CELF2: variants seen among roughly 807,000 people sequenced by gnomAD.
CELF2 encodes the protein CUG triplet repeat RNA-binding protein 2.
A neutral mutation model predicts 62.6 loss-of-function variants in CELF2; 8 were observed. That is an observed-to-expected ratio of 0.13 (90% CI 0.07 to 0.23). The LOEUF (loss-of-function observed/expected upper bound fraction) is 0.23, where lower values mean the gene tolerates loss of function less well. CELF2 is among the 10% of genes least tolerant of loss of function. CELF2 has a pLI of 1.00. For missense variants in CELF2, 333 were observed against 671.0 expected, an observed-to-expected ratio of 0.50 and a Z score of 5.56; for synonymous variants, 258 against 250.0, an observed-to-expected ratio of 1.03 and a Z score of -0.30.
intron 1 of CELF2, among the ~76,000 whole-genome samples, chr10:11,040,277 A>G (rs1252019279): frequency 6.6e-6 from 1 of 152,218 alleles, no homozygotes; most frequent in Admixed American, 6.5e-5. Flanking sequence ...AACAAGATAT[A>G]GACAGTGTTT....
the CELF2 span, among the ~76,000 whole-genome samples, chr10:10,501,693 A>G: frequency 6.6e-6 from 1 of 152,084 alleles, no homozygotes; most frequent in Non-Finnish European, 1.5e-5. Flanking sequence ...TTTCCATAGC[A>G]TTTTGTATGT....
the CELF2 span, among the ~76,000 whole-genome samples, chr10:10,554,900 A>T: frequency 1.3e-5 from 2 of 152,166 alleles, no homozygotes; most frequent in Non-Finnish European, 2.9e-5. Flanking sequence ...AATCCTAGAG[A>T]TGTTACAAAT....
Position 11,255,016 on chromosome 10 carries a change from G to A in CELF2, c.404-2722G>A, listed in dbSNP as rs1024151861. Reference sequence around the variant, plus strand: ...CCTCCCATGTTAGTGAGCACAGGCGGTGTAGACGGCCTGCAGCAGGTGGTG... The same window carrying A: ...CCTCCCATGTTAGTGAGCACAGGCGATGTAGACGGCCTGCAGCAGGTGGTG... On this transcript the variant is annotated intron_variant, in intron 4 of 12. Transcript: ENST00000633077. This position sits in a 1 kb window ranked among gnomAD's most constrained non-coding sequence, Gnocchi z 5.5. Among the ~76,000 whole-genome samples the A allele has an allele frequency of 2.0e-5, 3 of 152,194 alleles. No individual in the cohort carries two copies. The highest frequency in any genetic ancestry group is 7.2e-5 in the African/African-American group (3 of 41,454).
chr10:10,646,962 C>G, the CELF2 span, among the ~76,000 whole-genome samples: 2 of 152,198 alleles, frequency 1.3e-5, no homozygotes, highest in African/African-American at 4.8e-5. Flanking sequence ...CACTCCCCTG[C>G]TAGCCTACTC....
intron 1 of CELF2, among the ~76,000 whole-genome samples, chr10:11,152,763 A>G (rs907025594): frequency 2.6e-4 from 39 of 152,122 alleles, no homozygotes; most frequent in African/African-American, 9.2e-4. Flanking sequence ...AACTTACATA[A>G]CTCTTGTCAC....
At chr10:11,205,842 C>G (rs942533553) in intron 2 of CELF2, among the ~76,000 whole-genome samples, 1 of 152,118 alleles carries the variant, frequency 6.6e-6, no homozygotes, top group East Asian at 1.9e-4. Flanking sequence ...ACAGTTATAA[C>G]GGCCATAAAT....
intron 2 of CELF2, among the ~76,000 whole-genome samples, chr10:10,941,682 A>G (rs2047063780): frequency 1.3e-5 from 2 of 152,140 alleles, no homozygotes; most frequent in African/African-American, 2.4e-5. Context: ...TTACTTTCCT[A>G]TTAATAGTTA....
rs182563057 is a variant in CELF2 at position 11,187,282 on chromosome 10, A to G, written c.271+21600A>G. ...GAATTGACTCCTTGGTGGTTTTGAA[A>G]TGACCTTTATTTCTGGGATTATCCT... On this transcript the variant is annotated intron_variant, in intron 2 of 12. Transcript: ENST00000633077. 2.3e-4 allele frequency among the ~76,000 whole-genome samples: 35 copies of G among 152,252 alleles called. No homozygotes were observed. In the East Asian group the frequency reaches 6.4e-3, roughly 28 times the overall value.
intron 1 of CELF2, among the ~76,000 whole-genome samples, chr10:11,162,961 C>T (rs1159587305): frequency 6.6e-6 from 1 of 152,156 alleles, no homozygotes; most frequent in Non-Finnish European, 1.5e-5. Flanking sequence ...AGCCCCTGTA[C>T]CACACTGCCT....
At chr10:10,651,628 C>T in the CELF2 span, among the ~76,000 whole-genome samples, 6 of 147,682 alleles carry the variant, frequency 4.1e-5, no homozygotes, top group Non-Finnish European at 7.5e-5. Context: ...CCTCACACGG[C>T]AGGGTATTCC....
At chr10:10,591,380 T>A in the CELF2 span, among the ~76,000 whole-genome samples, 3 of 152,138 alleles carry the variant, frequency 2.0e-5, no homozygotes, top group East Asian at 3.9e-4. Flanking sequence ...ATGCTTTCAG[T>A]ACATTAATAC....
chr10:11,227,643 T>A lies in CELF2; in HGVS notation c.354+10136T>A, dbSNP rs1487439087. On this transcript the variant is annotated intron_variant, in intron 3 of 12. Transcript: ENST00000633077. The surrounding 1 kb of genome is among the most constrained non-coding windows in gnomAD (Gnocchi z 4.8). ...TCGGCCGGAATCTAAGGGATAGAGA[T>A]GTATCATGAGGTGGAAGCTCAGGCT... 2.0e-5 allele frequency among the ~76,000 whole-genome samples: 3 copies of A among 152,196 alleles called. No homozygotes were observed. Among genetic ancestry groups the A allele is most frequent in the Non-Finnish European group, 4.4e-5 (3 of 68,040 alleles).
upstream of CELF2, among the ~76,000 whole-genome samples, chr10:10,795,856 G>A (rs564115970): frequency 6.6e-5 from 10 of 151,912 alleles, no homozygotes; most frequent in African/African-American, 9.7e-5. Context: ...GGTTTCAAAC[G>A]TTATCCTCCT....
At chr10:10,591,123 G>A in the CELF2 span, among the ~76,000 whole-genome samples, 13 of 152,118 alleles carry the variant, frequency 8.5e-5, no homozygotes, top group South Asian at 8.3e-4. Flanking sequence ...AAGTGATTTC[G>A]TCATCTATGT....
At position 11,276,884 on chromosome 10, in the gene CELF2, G is replaced by C. The variant is rs563031306; in HGVS notation, c.841+1764G>C. On this transcript the variant is annotated intron_variant, in intron 8 of 12. Transcript: ENST00000633077. ...TCATTTGAAAACTGAGGGTATCTGGGAAGTCACCTTACAAGGTGCCGAGGA... is the reference window on the plus strand; with the variant it reads ...TCATTTGAAAACTGAGGGTATCTGGCAAGTCACCTTACAAGGTGCCGAGGA... Among the ~76,000 whole-genome samples the C allele has an allele frequency of 4.6e-5, 7 of 152,366 alleles. No individual in the cohort carries two copies. The South Asian group carries it at 1.4e-3, about 32-fold the overall frequency.
At chr10:10,721,422 G>A in the CELF2 span, among the ~76,000 whole-genome samples, 2 of 152,118 alleles carry the variant, frequency 1.3e-5, no homozygotes, top group East Asian at 3.8e-4. Flanking sequence ...AAAAGTAATT[G>A]GTAAAACGCA....
Position 11,135,016 on chromosome 10 carries a change from C to T in CELF2, c.75-30470C>T, listed in dbSNP as rs528574184. Among the ~76,000 whole-genome samples the T allele has an allele frequency of 5.3e-5, 8 of 152,318 alleles. No individual in the cohort carries two copies. The South Asian group carries it at 1.0e-3, about 20-fold the overall frequency. Reference sequence around the variant, plus strand: ...CATGGCCCTCAAATACCAGTGTTTGCACCTTCACAAAATCCTTAAAGGTTA... The same window carrying T: ...CATGGCCCTCAAATACCAGTGTTTGTACCTTCACAAAATCCTTAAAGGTTA... On this transcript the variant is annotated intron_variant, in intron 1 of 12. Transcript: ENST00000633077.
chr10:10,526,263 G>A, the CELF2 span, among the ~76,000 whole-genome samples: 1 of 152,150 alleles, frequency 6.6e-6, no homozygotes, highest in Admixed American at 6.5e-5. Context: ...GCTGTCACAT[G>A]AAAAACAATG....
chr10:10,743,335 A>G, the CELF2 span, among the ~76,000 whole-genome samples: 2 of 152,268 alleles, frequency 1.3e-5, no homozygotes, highest in African/African-American at 4.8e-5. Context: ...CAGTTTTGAC[A>G]AGAAGCAGAA....
Sources: allele counts gnomAD v4.1 joint callset (sites outside exome capture counted in the v4.1 genomes callset), GRCh38; gene constraint gnomAD v4.1.1; non-coding constraint Gnocchi (gnomAD v3.1); transcripts MANE v1.5; gene names NCBI Gene and HGNC (gene_info 2026-07-23, HGNC 2026-07-21).